The following COL19A1 variants were observed in gnomAD, a reference collection of about 807,000 sequenced individuals.
COL19A1 encodes the protein collagen alpha-1(XIX) chain.
Under a neutral mutation model 190.2 loss-of-function variants are expected in COL19A1, and 159 were observed. That is an observed-to-expected ratio of 0.84 (90% CI 0.73 to 0.95). The LOEUF (loss-of-function observed/expected upper bound fraction) is 0.95. Ranked by LOEUF, COL19A1 falls within the 40% of genes least tolerant of loss-of-function variation. The pLI is 0.00. For missense variants in COL19A1, 1,418 were observed against 1,431.9 expected, an observed-to-expected ratio of 0.99 and a Z score of 0.16; for synonymous variants, 509 against 458.9, an observed-to-expected ratio of 1.11 and a Z score of -1.39.
At chr6:69,977,714 A>G (rs1392602905) in intron 11 of COL19A1, among the ~76,000 whole-genome samples, 4 of 152,156 alleles carry the variant, frequency 2.6e-5, no homozygotes, top group African/African-American at 9.7e-5. Flanking sequence ...GAACATTTCA[A>G]TCCAGTGGAG....
intron 9 of COL19A1, among the ~76,000 whole-genome samples, chr6:69,944,765 G>A (rs551825199): frequency 6.6e-6 from 1 of 151,760 alleles, no homozygotes; most frequent in Non-Finnish European, 1.5e-5. Context: ...CACCTCTCAT[G>A]GAATAATGCA....
In COL19A1 at chr6:70,163,253, CA is replaced by C. The variant is rs1787920928; in HGVS notation, c.2347-86del. 2.6e-6 allele frequency: 3 copies of C among 1,173,692 alleles called. No individual in the cohort carries two copies. In the East Asian group the frequency reaches 7.6e-5, roughly 30 times the overall value. The allele number at this position is 1,173,692 out of a possible 1,614,324, so 72.7% of individuals were successfully genotyped here. A position where few individuals can be genotyped will look rare whatever the true frequency, so the allele number is the denominator to read the frequency against. ...TATTTAATTAGGATCAAATGACCTT[CA>C]AAATGTGTAAGTTTTAGTAACCAAC... On this transcript the variant is annotated intron_variant, in intron 35 of 50. Transcript: ENST00000620364.
intron 34 of COL19A1, among the ~76,000 whole-genome samples, chr6:70,160,326 A>G (rs1337715503): frequency 6.6e-6 from 1 of 152,066 alleles, no homozygotes; most frequent in Non-Finnish European, 1.5e-5. Flanking sequence ...GAACTTACTC[A>G]CTATCATGAG....
chr6:69,889,761 G>A (rs1019491188), intron 2 of COL19A1, among the ~76,000 whole-genome samples: 7 of 152,188 alleles, frequency 4.6e-5, no homozygotes, highest in Admixed American at 3.9e-4. Context: ...TCAGCACTCT[G>A]TAAAATGGAC....
At chr6:70,202,010 TC>T (rs1331503716) in intron 49 of COL19A1, among the ~76,000 whole-genome samples, 3 of 152,282 alleles carry the variant, frequency 2.0e-5, no homozygotes, top group South Asian at 2.1e-4. Context: ...AGTGTTTTTT[TC>T]CAAAAAGGAA....
At position 70,123,430 on chromosome 6, in the gene COL19A1, C is replaced by T. The variant is rs972043079; in HGVS notation, c.1341+1488C>T. Among the ~76,000 whole-genome samples, 16 of 151,726 alleles carry T rather than the reference C, an allele frequency of 1.1e-4. No individual in the cohort carries two copies. The East Asian group carries it at 2.5e-3, about 24-fold the overall frequency. ...CCTCAGGGATCTAGAACTAGAAATACCATTTGATCCAGCCATCCCATTACT... is the reference window on the plus strand; with the variant it reads ...CCTCAGGGATCTAGAACTAGAAATATCATTTGATCCAGCCATCCCATTACT... On this transcript the variant is annotated intron_variant, in intron 17 of 50. Transcript: ENST00000620364.
intron 16 of COL19A1, among the ~76,000 whole-genome samples, chr6:70,115,632 T>C (rs1456589226): frequency 1.3e-5 from 2 of 152,106 alleles, no homozygotes; most frequent in Admixed American, 1.3e-4. Flanking sequence ...AACCTTTAAA[T>C]TTCACCTATA....
chr6:70,173,345 T>C (rs1583084423), intron 41 of COL19A1, among the ~76,000 whole-genome samples: 1 of 152,100 alleles, frequency 6.6e-6, no homozygotes, highest in South Asian at 2.1e-4. Flanking sequence ...GGAATGCCAA[T>C]AGAGTTTTTA....
intron 11 of COL19A1, among the ~76,000 whole-genome samples, chr6:69,999,270 G>A (rs1388274600): frequency 4.0e-5 from 6 of 150,350 alleles, no homozygotes; most frequent in South Asian, 4.4e-4. Context: ...AGTGGCTCAC[G>A]CCTGTAATCC....
chr6:69,935,691 TCAA>T (rs1773054768), intron 7 of COL19A1, among the ~76,000 whole-genome samples: 1 of 148,316 alleles, frequency 6.7e-6, no homozygotes, highest in Admixed American at 6.7e-5. Context: ...ATCAAAGAAT[TCAA>T]CTACTACCAA....
At chr6:69,882,945 C>T (rs540905998) in intron 2 of COL19A1, among the ~76,000 whole-genome samples, 71 of 152,306 alleles carry the variant, frequency 4.7e-4, no homozygotes, top group African/African-American at 1.3e-3. Context: ...AAAAATCCTT[C>T]ATTGACAAAT....
chr6:70,060,042 T>C (rs912415829), intron 14 of COL19A1, among the ~76,000 whole-genome samples: 2 of 152,158 alleles, frequency 1.3e-5, no homozygotes, highest in Non-Finnish European at 2.9e-5. Context: ...TGGTCAAAAA[T>C]TGGAATAAGT....
intron 11 of COL19A1, chr6:69,974,340 C>G (rs1775591787): frequency 6.6e-6 from 1 of 152,156 alleles, no homozygotes; most frequent in African/African-American, 2.4e-5. Context: ...ATTTTAATTG[C>G]CTGCACTTGT....
intron 46 of COL19A1, among the ~76,000 whole-genome samples, chr6:70,185,424 C>A (rs533082784): frequency 6.6e-6 from 1 of 152,248 alleles, no homozygotes; most frequent in Non-Finnish European, 1.5e-5. Context: ...GAAGCAAAAT[C>A]ACTGCAATTG....
chr6:69,869,063 G>T (rs1767661331), intron 1 of COL19A1, among the ~76,000 whole-genome samples: 1 of 151,034 alleles, frequency 6.6e-6, no homozygotes, highest in African/African-American at 2.4e-5. Context: ...GAATGAATAG[G>T]ACCAGAATTG....
At position 70,208,863 on chromosome 6, in the gene COL19A1, T is replaced by C. The variant is rs1049989107; in HGVS notation, c.*1589T>C. ...GGGTTTGTTCCAATGCATCCGTGAT[T>C]TGAACCGGTTTTCATTATAGATTAA... On this transcript the variant is annotated 3_prime_UTR_variant, in exon 51 of 51. Transcript: ENST00000620364. 2.6e-5 allele frequency: 4 copies of C among 152,668 alleles called. No individual in the cohort carries two copies. Among genetic ancestry groups the C allele is most frequent in the African/African-American group, 9.6e-5 (4 of 41,466 alleles). 9.5% of individuals were successfully genotyped at this position (152,668 alleles called of 1,614,324 possible). A position where few individuals can be genotyped will look rare whatever the true frequency, so the allele number is the denominator to read the frequency against.
At chr6:69,903,223 T>C (rs376694758) in intron 4 of COL19A1, among the ~76,000 whole-genome samples, 1 of 152,234 alleles carries the variant, frequency 6.6e-6, no homozygotes, top group Non-Finnish European at 1.5e-5. Context: ...AGTGTTAGGC[T>C]GGACTGCGGC....
intron 2 of COL19A1, among the ~76,000 whole-genome samples, chr6:69,893,822 T>A (rs915331897): frequency 3.3e-5 from 5 of 152,234 alleles, no homozygotes; most frequent in Non-Finnish European, 5.9e-5. Flanking sequence ...GAGATTCCTC[T>A]GCACAATAAA....
chr6:70,201,974 T>G (rs910479027), intron 49 of COL19A1, among the ~76,000 whole-genome samples: 10 of 152,322 alleles, frequency 6.6e-5, no homozygotes, highest in African/African-American at 2.4e-4. Context: ...TACATGTAAC[T>G]TATAAGCTTT....
Sources: gnomAD v4.1 joint callset for allele counts (sites outside exome capture counted in the v4.1 genomes callset) on GRCh38, gnomAD v4.1.1 for gene constraint, MANE v1.5 for transcripts, NCBI Gene and HGNC (gene_info 2026-07-23, HGNC 2026-07-21) for gene names.